SMARCA2: variants seen among roughly 807,000 people sequenced by gnomAD.
SMARCA2 encodes SWI/SNF-related matrix-associated actin-dependent regulator of chromatin subfamily A member 2.
In SMARCA2, 61 loss-of-function variants were observed where a neutral mutation model predicts 199.8. The ratio of observed to expected loss-of-function variants is 0.31; its 90% CI spans 0.25 to 0.38. The LOEUF is 0.38. Among genes scored for constraint, SMARCA2 ranks in the 10% least tolerant of loss-of-function variants. The pLI, the probability that SMARCA2 is intolerant of heterozygous loss-of-function variation, is 1.00. For missense variants in SMARCA2, 1,344 were observed against 2,012.2 expected (o/e 0.67, Z 6.35); for synonymous variants, 935 against 732.0 (o/e 1.28, Z -4.48).
rs1818414823 is a variant in SMARCA2 at position 2,017,587 on chromosome 9, G to T, written c.-37+2183G>T. 6.6e-6 allele frequency: 1 copy of T among 152,292 alleles called. No individual in the cohort carries two copies. Among genetic ancestry groups the T allele is most frequent in the Non-Finnish European group, 1.5e-5 (1 of 68,128 alleles). The allele number at this position is 152,292 out of a possible 1,614,324, so 9.4% of individuals were successfully genotyped here. On this transcript the variant is annotated intron_variant, in intron 1 of 33. Transcript: ENST00000349721. The surrounding 1 kb of genome is among the most constrained non-coding windows in gnomAD (Gnocchi z 8.8). ...GCGCGCGCGAGCGGCGGAGAATCAG[G>T]AAGTCACAGCAGCGAAGCGCACACA...
At chr9:2,149,078 GATA>G (rs1180813206) in intron 27 of SMARCA2, among the ~76,000 whole-genome samples, 1 of 151,036 alleles carries the variant, frequency 6.6e-6, no homozygotes, top group African/African-American at 2.4e-5. Flanking sequence ...TCACACTGCT[GATA>G]AAGACATACC....
chr9:2,172,478 A>T (rs1035683554), intron 29 of SMARCA2, among the ~76,000 whole-genome samples: 1 of 149,632 alleles, frequency 6.7e-6, no homozygotes, highest in Non-Finnish European at 1.5e-5. Flanking sequence ...GGAAGGGGGG[A>T]TGTAGCCATG....
chr9:2,091,270 C>A (rs1042937582), intron 19 of SMARCA2, among the ~76,000 whole-genome samples: 1 of 152,134 alleles, frequency 6.6e-6, no homozygotes, highest in African/African-American at 2.4e-5. Flanking sequence ...TCAGTGAAAC[C>A]CTCCCTCGGC....
intron 31 of SMARCA2, among the ~76,000 whole-genome samples, chr9:2,183,218 G>C (rs1371429380): frequency 2.0e-5 from 3 of 152,074 alleles, no homozygotes; most frequent in African/African-American, 7.2e-5. Flanking sequence ...TTATTTTTCT[G>C]ATTGTACTCT....
chr9:2,122,493 T>G (rs1823507383), intron 26 of SMARCA2, among the ~76,000 whole-genome samples: 1 of 152,216 alleles, frequency 6.6e-6, no homozygotes, highest in Non-Finnish European at 1.5e-5. Flanking sequence ...CATCGTGAGC[T>G]AATTATAGCA....
chr9:2,168,317 CTGATA>C (rs1243235246), intron 28 of SMARCA2, among the ~76,000 whole-genome samples: 2 of 152,154 alleles, frequency 1.3e-5, no homozygotes, highest in Non-Finnish European at 2.9e-5. Flanking sequence ...GGCAAATGAT[CTGATA>C]TTTTATTACA....
In SMARCA2 at chr9:2,083,351, C is replaced by A; in HGVS notation, c.2353C>A (p.Leu785Ile). Residue 785 changes from leucine to isoleucine, a missense_variant, in exon 16 of 34, where the codon CTA (leucine) becomes ATA (isoleucine). By Grantham distance (5) the Leu-to-Ile change is conservative. Transcript: ENST00000349721. The part of the protein sequence containing the change: ...PYLIIVPLST[L>I]SNWTYEFDKW... Reference sequence around the variant, plus strand: ...TTTTTTTTTTTTGTTCCATAGGACTCTATCTAACTGGACATATGAATTTGA... The same window carrying A: ...TTTTTTTTTTTTGTTCCATAGGACTATATCTAACTGGACATATGAATTTGA... 1 of 1,577,470 alleles carries A rather than the reference C, an allele frequency of 6.3e-7. No homozygotes were observed. The highest frequency in any genetic ancestry group is 8.6e-7 in the Non-Finnish European group (1 of 1,157,214).
At chr9:2,058,796 C>G (rs181083173) in intron 8 of SMARCA2, among the ~76,000 whole-genome samples, 149 of 152,250 alleles carry the variant, frequency 9.8e-4, no homozygotes, top group Non-Finnish European at 1.2e-3. Flanking sequence ...AAATGCAGTT[C>G]TTTTAAAAAT....
At position 2,084,154 on chromosome 9, in the gene SMARCA2, T is replaced by C; in HGVS notation, c.2484T>C (p.Thr828=). The part of the protein sequence containing the change: ...LRSGKFNVLL[T]TYEYIIKDKH... The stretch of plus-strand genomic sequence containing the variant: ...GTGGCAAATTCAATGTCCTCTTGAC[T>C]ACTTATGAGTATATTATAAAAGACA... The change falls in exon 17 of 34, where the codon ACT becomes ACC. Residue 828 remains threonine (T), a synonymous_variant. Transcript: ENST00000349721. 1.2e-6 allele frequency: 2 copies of C among 1,609,598 alleles called. No homozygotes were observed. The highest frequency in any genetic ancestry group is 2.2e-5 in the South Asian group (2 of 90,972).
At chr9:2,079,488 A>C (rs79571860) in intron 14 of SMARCA2, among the ~76,000 whole-genome samples, 4 of 152,214 alleles carry the variant, frequency 2.6e-5, no homozygotes, top group Non-Finnish European at 4.4e-5. Flanking sequence ...AAGCACTAGC[A>C]GTTTTTACCT....
chr9:2,113,261 C>CA (rs3838720), intron 24 of SMARCA2, among the ~76,000 whole-genome samples: 21,845 of 151,272 alleles, frequency 0.14, 1,759 homozygotes, highest in African/African-American at 0.23. Context: ...GTGGAATTAA[C>CA]AAAAAAAAAT....
At chr9:2,020,839 A>T (rs1420064055) in intron 1 of SMARCA2, among the ~76,000 whole-genome samples, 3 of 152,202 alleles carry the variant, frequency 2.0e-5, no homozygotes, top group Admixed American at 6.5e-5. Flanking sequence ...TGTTTGATAT[A>T]AACACCTCAT....
At chr9:2,175,934 C>T (rs1826556513) in intron 29 of SMARCA2, among the ~76,000 whole-genome samples, 1 of 152,092 alleles carries the variant, frequency 6.6e-6, no homozygotes, top group East Asian at 1.9e-4. Flanking sequence ...AGCTGGAGTG[C>T]AAATGGCACA....
intron 25 of SMARCA2, among the ~76,000 whole-genome samples, chr9:2,116,420 TTC>T (rs1231300255): frequency 1.3e-5 from 2 of 152,136 alleles, no homozygotes; most frequent in African/African-American, 4.8e-5. Context: ...GGGGTCCTCT[TTC>T]TCTCATCCTC....
intron 6 of SMARCA2, among the ~76,000 whole-genome samples, chr9:2,054,959 A>G (rs978548584): frequency 1.3e-5 from 2 of 152,126 alleles, no homozygotes; most frequent in African/African-American, 2.4e-5. Context: ...CTCCTGTACT[A>G]TGGGTTACAA....
intron 27 of SMARCA2, among the ~76,000 whole-genome samples, chr9:2,132,738 C>A (rs184556491): frequency 6.6e-6 from 1 of 152,222 alleles, no homozygotes; most frequent in Admixed American, 6.5e-5. Context: ...ATTCCAAGTC[C>A]TTCAATACTT....
intron 15 of SMARCA2, 22 bp from the exon 16 acceptor site, chr9:2,083,325 G>GTTTT (rs766737229): frequency 2.8e-5 from 33 of 1,181,582 alleles, no homozygotes; most frequent in South Asian, 9.2e-5. Context: ...TTTTTCTGTT[G>GTTTT]TTTTTTTTTT....
intron 27 of SMARCA2, among the ~76,000 whole-genome samples, chr9:2,145,685 A>G (rs1020773899): frequency 5.3e-5 from 8 of 152,246 alleles, no homozygotes; most frequent in African/African-American, 1.9e-4. Context: ...ATAAATGGAT[A>G]TATATCTAAG....
At position 2,156,796 on chromosome 9, in the gene SMARCA2, C is replaced by T. The variant is rs180680443; in HGVS notation, c.3982-4890C>T. On this transcript the variant is annotated intron_variant, in intron 27 of 33. Transcript: ENST00000349721. ...TACATTTACATTGTTGTGCAACCATCACCAACATCCCATCTTCAGAACTTT... is the reference window on the plus strand; with the variant it reads ...TACATTTACATTGTTGTGCAACCATTACCAACATCCCATCTTCAGAACTTT... Among the ~76,000 whole-genome samples the T allele has an allele frequency of 1.3e-3, 201 of 152,282 alleles. 4 individuals carry two copies. The highest frequency in any genetic ancestry group is 9.7e-4 in the East Asian group (5 of 5,180).
Sources: allele counts gnomAD v4.1 joint callset (sites outside exome capture counted in the v4.1 genomes callset), GRCh38; gene constraint gnomAD v4.1.1; non-coding constraint Gnocchi (gnomAD v3.1); transcripts MANE v1.5; gene names NCBI Gene and HGNC (gene_info 2026-07-23, HGNC 2026-07-21).